KCNK10: variants seen among roughly 807,000 people sequenced by gnomAD.
KCNK10 encodes potassium channel subfamily K member 10.
In KCNK10, 25 loss-of-function variants were observed where a neutral mutation model predicts 47.7. The ratio of observed to expected loss-of-function variants is 0.52; its 90% CI spans 0.38 to 0.73. KCNK10 has a LOEUF of 0.73. KCNK10 is among the 30% of genes least tolerant of loss of function. KCNK10 has a pLI of 0.00. For missense variants in KCNK10, 563 were observed against 714.5 expected, an observed-to-expected ratio of 0.79 and a Z score of 2.42; for synonymous variants, 303 against 285.6, an observed-to-expected ratio of 1.06 and a Z score of -0.61.
intron 1 of KCNK10, among the ~76,000 whole-genome samples, chr14:88,285,976 C>G (rs976897351): frequency 6.6e-6 from 1 of 152,172 alleles, no homozygotes; most frequent in Non-Finnish European, 1.5e-5. Context: ...AAAGACCACA[C>G]CGCTTCTGCC....
At chr14:88,282,330 C>T (rs1887668410) in intron 1 of KCNK10, among the ~76,000 whole-genome samples, 1 of 152,178 alleles carries the variant, frequency 6.6e-6, no homozygotes, top group African/African-American at 2.4e-5. Context: ...AGACATCCTG[C>T]CACCTTCAAG....
At chr14:88,221,666 C>T (rs1171103719) in intron 4 of KCNK10, among the ~76,000 whole-genome samples, 1 of 152,196 alleles carries the variant, frequency 6.6e-6, no homozygotes, top group Non-Finnish European at 1.5e-5. Context: ...TAAGCATATT[C>T]TTACCATCCA....
chr14:88,323,993 T>C (rs1888610406), upstream of KCNK10, among the ~76,000 whole-genome samples: 1 of 152,184 alleles, frequency 6.6e-6, no homozygotes, highest in African/African-American at 2.4e-5. Flanking sequence ...CCGGGGAAGC[T>C]CGCTCCCAAG....
intron 5 of KCNK10, among the ~76,000 whole-genome samples, chr14:88,191,608 T>C (rs17124217): frequency 6.6e-6 from 1 of 151,772 alleles, no homozygotes. Context: ...GATGATTTTT[T>C]TTTCACTTCC....
At chr14:88,256,672 A>T (rs1464923054) in intron 2 of KCNK10, among the ~76,000 whole-genome samples, 1 of 152,028 alleles carries the variant, frequency 6.6e-6, no homozygotes, top group Non-Finnish European at 1.5e-5. Flanking sequence ...TAGAAATAAA[A>T]TTTTTCTATG....
At chr14:88,236,163 A>T (rs891527086) in intron 3 of KCNK10, among the ~76,000 whole-genome samples, 4 of 152,164 alleles carry the variant, frequency 2.6e-5, no homozygotes, top group Admixed American at 6.5e-5. Flanking sequence ...AAAATATTTT[A>T]AAAATTAGCT....
intron 1 of KCNK10, among the ~76,000 whole-genome samples, chr14:88,305,758 A>G (rs1011632639): frequency 2.6e-5 from 4 of 152,190 alleles, no homozygotes; most frequent in Admixed American, 2.6e-4. Flanking sequence ...GGAATTAGAG[A>G]AAAGAGAAAG....
chr14:88,315,827 C>A (rs1301589473), intron 1 of KCNK10, among the ~76,000 whole-genome samples: 1 of 151,978 alleles, frequency 6.6e-6, no homozygotes, highest in Admixed American at 6.6e-5. Flanking sequence ...GGACCCTTTG[C>A]ACAAGCGAGA....
chr14:88,257,952 G>A (rs1887004191), intron 2 of KCNK10, among the ~76,000 whole-genome samples: 1 of 151,878 alleles, frequency 6.6e-6, no homozygotes, highest in Non-Finnish European at 1.5e-5. Context: ...AGCAACCCTG[G>A]CCTCTACCCA....
At chr14:88,307,149 C>T (rs148450952) in intron 1 of KCNK10, among the ~76,000 whole-genome samples, 2 of 152,190 alleles carry the variant, frequency 1.3e-5, no homozygotes, top group African/African-American at 2.4e-5. Flanking sequence ...CCAGCTCAAG[C>T]GCTTTCAAGA....
At chr14:88,323,610 G>GGGGCGGGGAACGAGCGGT (rs1566725057), upstream of KCNK10, 1 of 151,422 alleles carries the variant, frequency 6.6e-6, no homozygotes, top group Non-Finnish European at 1.5e-5. Flanking sequence ...AAGCCGCGGA[G>GGGGCGGGGAACGAGCGGT]GGGCGGGGAA....
At chr14:88,229,260 G>A (rs901810951) in intron 3 of KCNK10, among the ~76,000 whole-genome samples, 4 of 152,058 alleles carry the variant, frequency 2.6e-5, no homozygotes, top group South Asian at 2.1e-4. Context: ...TTTCAGAGAT[G>A]ACCACCCCCA....
chr14:88,319,234 T>A (rs986807404), intron 1 of KCNK10, among the ~76,000 whole-genome samples: 8 of 152,210 alleles, frequency 5.3e-5, no homozygotes, highest in Non-Finnish European at 1.2e-4. Flanking sequence ...ACCCAAATGC[T>A]ATCCAAACCA....
chr14:88,295,639 G>A (rs960166234), intron 1 of KCNK10, among the ~76,000 whole-genome samples: 11 of 152,142 alleles, frequency 7.2e-5, no homozygotes, highest in East Asian at 1.9e-4. Context: ...CAGCATGAGT[G>A]ACAGAGCTAG....
chr14:88,278,628 G>A (rs1409830197), intron 1 of KCNK10, among the ~76,000 whole-genome samples: 1 of 152,174 alleles, frequency 6.6e-6, no homozygotes, highest in Non-Finnish European at 1.5e-5. Context: ...TTCCTAGATA[G>A]TTCAATCTAA....
At chr14:88,215,705 C>G (rs1393421976) in intron 4 of KCNK10, among the ~76,000 whole-genome samples, 1 of 151,968 alleles carries the variant, frequency 6.6e-6, no homozygotes, top group Non-Finnish European at 1.5e-5. Context: ...AATCAGATTC[C>G]CAGAAGTTAC....
At chr14:88,310,940 G>C (rs1003682858) in intron 1 of KCNK10, among the ~76,000 whole-genome samples, 10 of 152,058 alleles carry the variant, frequency 6.6e-5, no homozygotes, top group African/African-American at 2.4e-4. Context: ...TTGATTCATC[G>C]ACTCTAGATA....
chr14:88,188,251 G>A (rs951776339), intron 5 of KCNK10, 142 bp from the exon 6 acceptor site: 14 of 987,270 alleles, frequency 1.4e-5, no homozygotes, highest in East Asian at 2.4e-5. Flanking sequence ...AAGGTGGACC[G>A]GGGTTAGAGG....
At chr14:88,274,624 A>G (rs1033200591) in intron 1 of KCNK10, among the ~76,000 whole-genome samples, 1 of 151,068 alleles carries the variant, frequency 6.6e-6, no homozygotes, top group Admixed American at 6.6e-5. Context: ...GCTTTAAGAA[A>G]TCTGTTCGCT....
Sources: gnomAD v4.1 joint callset for allele counts (sites outside exome capture counted in the v4.1 genomes callset) on GRCh38, gnomAD v4.1.1 for gene constraint, MANE v1.5 for transcripts, NCBI Gene and HGNC (gene_info 2026-07-23, HGNC 2026-07-21) for gene names.